VCAN: variants seen among roughly 807,000 people sequenced by gnomAD.
VCAN encodes the protein versican core protein.
Under a neutral mutation model 245.5 loss-of-function variants are expected in VCAN, and 44 were observed. That is an observed-to-expected ratio of 0.18 (90% CI 0.14 to 0.23). The LOEUF (loss-of-function observed/expected upper bound fraction) is 0.23. Among genes scored for constraint, VCAN ranks in the 10% least tolerant of loss-of-function variants. The pLI, the probability that VCAN is intolerant of heterozygous loss-of-function variation, is 1.00. For missense variants in VCAN, 3,793 were observed against 4,057.9 expected (o/e 0.93, Z 1.77); for synonymous variants, 1,413 against 1,437.0 (o/e 0.98, Z 0.38).
chr5:83,542,253 G>A lies in VCAN; in HGVS notation c.9250G>A (p.Ala3084Thr), dbSNP rs1311831031. The A allele has an allele frequency of 3.1e-6, 5 of 1,612,808 alleles. No homozygotes were observed. Among genetic ancestry groups the A allele is most frequent in the South Asian group, 1.1e-5 (1 of 91,088 alleles). The stretch of plus-strand genomic sequence containing the variant: ...TAATGAAGAGTCAGTGGAAGGCACG[G>A]CAATCTATTTACCAGGTAAGATCAC... ...GINEESVEGTAIYLPGPDRCK... is the reference protein window; with the variant it reads ...GINEESVEGTTIYLPGPDRCK... The change falls in exon 8 of 15, where the codon GCA (alanine) becomes ACA (threonine). Residue 3084 changes from alanine to threonine, a missense_variant. Coordinates refer to ENST00000265077, the MANE Select transcript of VCAN (RefSeq NM_004385.5).
At chr5:83,542,343 A>G in intron 8 of VCAN, 75 bp downstream of exon 8, 1 of 1,464,338 alleles carries the variant, frequency 6.8e-7, no homozygotes, top group Non-Finnish European at 9.4e-7. Context: ...ATATGTATGT[A>G]ATTTTTATTG....
chr5:83,568,649 G>A (rs1357883529), intron 12 of VCAN, among the ~76,000 whole-genome samples: 1 of 152,120 alleles, frequency 6.6e-6, no homozygotes, highest in African/African-American at 2.4e-5. Context: ...GTAACTTGCG[G>A]TGATATTTGT....
chr5:83,474,817 G>T (rs756902445), intron 1 of VCAN, among the ~76,000 whole-genome samples: 3 of 152,256 alleles, frequency 2.0e-5, no homozygotes, highest in Non-Finnish European at 4.4e-5. Flanking sequence ...CATCCAGACA[G>T]CGCTGAACAC....
At position 83,540,957 on chromosome 5, in the gene VCAN, GATGAATCAATGACTT is replaced by G. The variant is rs1284894014; in HGVS notation, c.7960_7974del (p.Ser2654_Glu2658del). On this transcript the variant is annotated inframe_deletion, in exon 8 of 15. Transcript: ENST00000265077. ...GGCTAGCTACACTCAGGCAACACAT[GATGAATCAATGACTT>G]ATGAAGATAGAAGCCAACTAGATCA... 1.2e-6 allele frequency: 2 copies of G among 1,614,082 alleles called. No homozygotes were observed. Among genetic ancestry groups the G allele is most frequent in the Non-Finnish European group, 1.7e-6 (2 of 1,179,998 alleles).
At chr5:83,485,668 A>G (rs1744768691) in intron 2 of VCAN, among the ~76,000 whole-genome samples, 1 of 152,014 alleles carries the variant, frequency 6.6e-6, no homozygotes, top group Admixed American at 6.6e-5. Context: ...ATATGTGGAG[A>G]TGGAGGAGTC....
At chr5:83,523,662 A>C (rs1746185686) in intron 7 of VCAN, among the ~76,000 whole-genome samples, 1 of 152,100 alleles carries the variant, frequency 6.6e-6, no homozygotes, top group Non-Finnish European at 1.5e-5. Context: ...TAGAGAAGAG[A>C]ACACACCCAC....
intron 12 of VCAN, among the ~76,000 whole-genome samples, chr5:83,569,177 T>C (rs1748192921): frequency 6.6e-6 from 1 of 152,336 alleles, no homozygotes. Flanking sequence ...TCTGTGATTA[T>C]TTTTTAGTAT....
Position 83,519,884 on chromosome 5 carries a change from C to T in VCAN, c.1578C>T (p.Ile526=), listed in dbSNP as rs1410187149. 1.2e-6 allele frequency: 2 copies of T among 1,614,096 alleles called. No homozygotes were observed. Among genetic ancestry groups the T allele is most frequent in the South Asian group, 1.1e-5 (1 of 91,082 alleles). The change falls in exon 7 of 15, where the codon ATC becomes ATT. Residue 526 remains isoleucine (I), a synonymous_variant. Coordinates refer to ENST00000265077, the MANE Select transcript of VCAN (RefSeq NM_004385.5). ...TETPLVTARM[I]LESKTEKKMV... The stretch of plus-strand genomic sequence containing the variant: ...CACCATTGGTAACTGCAAGAATGAT[C>T]CTGGAATCCAAAACTGAAAAGAAAA...
Position 83,490,125 on chromosome 5 carries a change from G to A in VCAN, c.98G>A (p.Arg33Lys). ...AAAGTGGGAAAAAGCCCACCGGTGA[G>A]GGGCTCCCTCTCTGGAAAAGTCAGC... ...KVKVGKSPPVRGSLSGKVSLP... is the reference protein window; with the variant it reads ...KVKVGKSPPVKGSLSGKVSLP... The change falls in exon 3 of 15, where the codon AGG becomes AAG. Residue 33 changes from arginine (R) to lysine (K), a missense_variant. Coordinates refer to ENST00000265077, the MANE Select transcript of VCAN (RefSeq NM_004385.5). 9 of 1,614,022 alleles carry A rather than the reference G, an allele frequency of 5.6e-6. No homozygotes were observed. Among genetic ancestry groups the A allele is most frequent in the Admixed American group, 1.7e-5 (1 of 60,002 alleles).
At chr5:83,493,750 T>C in intron 4 of VCAN, 30 bp downstream of exon 4, 1 of 1,614,130 alleles carries the variant, frequency 6.2e-7, no homozygotes, top group Non-Finnish European at 8.5e-7. Flanking sequence ...CAGGCTTCAT[T>C]ATTAACTTGA....
At chr5:83,476,215 A>C (rs976922880) in intron 1 of VCAN, among the ~76,000 whole-genome samples, 1 of 152,264 alleles carries the variant, frequency 6.6e-6, no homozygotes, top group Admixed American at 6.5e-5. Context: ...GCAAAGATCA[A>C]CTAACTCTGT....
intron 11 of VCAN, 91 bp from the exon 12 acceptor site, chr5:83,554,865 A>G (rs148096311): frequency 1.7e-6 from 2 of 1,203,994 alleles, no homozygotes; most frequent in African/African-American, 3.0e-5. Context: ...AAGAGGATGC[A>G]TGATTCATGC....
Position 83,520,334 on chromosome 5 carries a change from A to G in VCAN, c.2028A>G (p.Leu676=), listed in dbSNP as rs147286274. The part of the protein sequence containing the change: ...EGISTVIYPS[L]QTEMTHRRER... ...TTTCCACAGTTATTTATCCTTCTCT[A>G]CAAACAGAAATGACACATAGAAGAG... is the stretch of plus-strand genomic sequence containing the variant. The change falls in exon 7 of 15, where the codon CTA becomes CTG. Residue 676 remains leucine, a synonymous_variant. Coordinates refer to ENST00000265077, the MANE Select transcript of VCAN (RefSeq NM_004385.5). 2.5e-4 allele frequency: 399 copies of G among 1,613,360 alleles called. 2 individuals are homozygous for G. In the African/African-American group the frequency reaches 4.8e-3, roughly 19 times the overall value.
chr5:83,563,113 T>C (rs2112484855), intron 12 of VCAN, among the ~76,000 whole-genome samples: 1 of 152,326 alleles, frequency 6.6e-6, no homozygotes, highest in African/African-American at 2.4e-5. Context: ...CATAGGGTAG[T>C]GACACCAAAA....
intron 13 of VCAN, among the ~76,000 whole-genome samples, chr5:83,573,453 G>A (rs555774035): frequency 5.3e-5 from 8 of 151,854 alleles, no homozygotes; most frequent in African/African-American, 9.7e-5. Flanking sequence ...ATGTGAGTCC[G>A]TGTCCCAATC....
intron 11 of VCAN, 151 bp from the exon 12 acceptor site, chr5:83,554,805 G>T: frequency 1.4e-6 from 1 of 729,926 alleles, no homozygotes. Context: ...AGAACAAAAG[G>T]TAGACTAGGA....
In VCAN at chr5:83,522,228, T is replaced by C; in HGVS notation, c.3922T>C (p.Ser1308Pro). 1 of 1,601,954 alleles carries C rather than the reference T, an allele frequency of 6.2e-7. No homozygotes were observed. Among genetic ancestry groups the C allele is most frequent in the East Asian group, 2.2e-5 (1 of 44,876 alleles). Residue 1308 changes from serine (S) to proline (P), a missense_variant, in exon 7 of 15, where the codon TCT becomes CCT. This residue lies in a region of VCAN where 3,182 missense variants were observed against 3,250.3 expected (regional missense o/e 0.98). Coordinates refer to ENST00000265077, the MANE Select transcript of VCAN (RefSeq NM_004385.5). ...DKEAFGPQALSTPQPPASTKF... is the reference protein window; with the variant it reads ...DKEAFGPQALPTPQPPASTKF... Reference sequence around the variant, plus strand: ...AGAGGCCTTTGGACCTCAGGCGCTTTCTACGCCACAGCCCCCAGCAAGCAC... The same window carrying C: ...AGAGGCCTTTGGACCTCAGGCGCTTCCTACGCCACAGCCCCCAGCAAGCAC...
At chr5:83,525,046 G>GTT (rs34155062) in intron 7 of VCAN, among the ~76,000 whole-genome samples, 28,723 of 132,388 alleles carry the variant, frequency 0.22, 3,551 homozygotes, top group East Asian at 0.59. Flanking sequence ...TATAAATCTT[G>GTT]TTTTTTTTTT....
intron 5 of VCAN, among the ~76,000 whole-genome samples, chr5:83,495,218 T>G (rs1561230816): frequency 6.6e-6 from 1 of 152,190 alleles, no homozygotes; most frequent in African/African-American, 2.4e-5. Flanking sequence ...CTTTCAACAT[T>G]AAAATTCTGT....
Sources: gnomAD v4.1 joint callset for allele counts (sites outside exome capture counted in the v4.1 genomes callset) on GRCh38, gnomAD v4.1.1 for gene constraint, gnomAD v4.1.1 regional missense constraint, MANE v1.5 for transcripts, NCBI Gene and HGNC (gene_info 2026-07-23, HGNC 2026-07-21) for gene names.